The following FRAS1 variants were observed in gnomAD, a reference collection of about 807,000 sequenced individuals.
FRAS1 encodes extracellular matrix organizing protein FRAS1.
A neutral mutation model predicts 435.2 loss-of-function variants in FRAS1; 290 were observed. The observed-to-expected ratio is 0.67, with a 90% CI of 0.61 to 0.73. The LOEUF is 0.73. Among genes scored for constraint, FRAS1 ranks in the 30% least tolerant of loss-of-function variants. The probability of loss-of-function intolerance (pLI) is 0.00; values close to 1 mark genes in which losing one functional copy is unlikely to be tolerated. For synonymous variants in FRAS1, 1,800 were observed against 1,851.0 expected (o/e 0.97, Z 0.71); for missense variants, 4,860 against 5,001.5 (o/e 0.97, Z 0.85).
intron 2 of FRAS1, among the ~76,000 whole-genome samples, chr4:78,114,632 C>G (rs184447012): frequency 1.0e-3 from 144 of 137,788 alleles, no homozygotes; most frequent in African/African-American, 3.6e-3. Flanking sequence ...CTCTGTTTGT[C>G]TGTTATTGGT....
At chr4:78,148,815 A>G (rs1390753404) in intron 2 of FRAS1, among the ~76,000 whole-genome samples, 2 of 152,200 alleles carry the variant, frequency 1.3e-5, no homozygotes, top group Non-Finnish European at 1.5e-5. Flanking sequence ...ATTGTGAATT[A>G]TAGTGACTGT....
intron 2 of FRAS1, among the ~76,000 whole-genome samples, chr4:78,226,175 C>T (rs1394470468): frequency 6.6e-6 from 1 of 152,150 alleles, no homozygotes; most frequent in African/African-American, 2.4e-5. Flanking sequence ...CATCTCCTAT[C>T]TTGCATGTTT....
In FRAS1 at chr4:78,464,589, A is replaced by G; in HGVS notation, c.7029+6A>G. On this transcript the variant is annotated splice_donor_region_variant and intron_variant, in intron 49 of 73. Transcript: ENST00000512123. ...CGGTGGATGCTGACACAGAGGTAAG[A>G]GCACTTCTTCCCATGGGTTCTCTGG... is the stretch of plus-strand genomic sequence containing the variant. 1 of 1,613,432 alleles carries G rather than the reference A, an allele frequency of 6.2e-7. No homozygotes were observed. Among genetic ancestry groups the G allele is most frequent in the Non-Finnish European group, 8.5e-7 (1 of 1,179,734 alleles).
intron 2 of FRAS1, among the ~76,000 whole-genome samples, chr4:78,122,917 T>G (rs1719112137): frequency 6.6e-6 from 1 of 152,202 alleles, no homozygotes; most frequent in South Asian, 2.1e-4. Context: ...TTTCTTCCAT[T>G]CTGTAGGTTG....
intron 30 of FRAS1, among the ~76,000 whole-genome samples, chr4:78,402,779 C>T (rs1732942687): frequency 6.6e-6 from 1 of 152,198 alleles, no homozygotes; most frequent in African/African-American, 2.4e-5. Flanking sequence ...TTGGTTTCCT[C>T]CAATCTGCGA....
intron 1 of FRAS1, among the ~76,000 whole-genome samples, chr4:78,062,701 A>T (rs563443024): frequency 1.1e-4 from 16 of 152,206 alleles, no homozygotes; most frequent in South Asian, 2.1e-4. Context: ...GGGATTAAAA[A>T]CAGACATTTA....
intron 2 of FRAS1, among the ~76,000 whole-genome samples, chr4:78,128,117 G>A (rs551346660): frequency 2.8e-4 from 42 of 152,212 alleles, no homozygotes; most frequent in African/African-American, 1.0e-3. Flanking sequence ...ATTCCGTGGT[G>A]TATATGTGCC....
intron 2 of FRAS1, among the ~76,000 whole-genome samples, chr4:78,205,147 G>C (rs997067903): frequency 1.3e-5 from 2 of 152,008 alleles, no homozygotes; most frequent in African/African-American, 4.8e-5. Context: ...CAGTTAAAAG[G>C]GTGGTTATCC....
intron 49 of FRAS1, among the ~76,000 whole-genome samples, chr4:78,465,912 T>C (rs12640892): frequency 6.6e-6 from 1 of 152,072 alleles, no homozygotes; most frequent in Admixed American, 6.5e-5. Flanking sequence ...TTTAAAAAGG[T>C]CTATTTTCTT....
chr4:78,305,944 T>A (rs1351076485), intron 14 of FRAS1, among the ~76,000 whole-genome samples: 2 of 152,128 alleles, frequency 1.3e-5, no homozygotes, highest in East Asian at 3.9e-4. Context: ...GTTGATGCAG[T>A]TTCCTCTTAG....
chr4:78,166,704 G>C (rs1478990702), intron 2 of FRAS1, among the ~76,000 whole-genome samples: 1 of 152,098 alleles, frequency 6.6e-6, no homozygotes, highest in East Asian at 1.9e-4. Flanking sequence ...TAAAGTGCTG[G>C]TGGTTCACCA....
chr4:78,171,679 C>T lies in FRAS1; in HGVS notation c.109-65831C>T, dbSNP rs987314045. Among the ~76,000 whole-genome samples, 26 of 152,234 alleles carry T rather than the reference C, an allele frequency of 1.7e-4. 1 individual carries two copies. In the East Asian group the frequency reaches 4.1e-3, roughly 24 times the overall value. On this transcript the variant is annotated intron_variant, in intron 2 of 73. Transcript: ENST00000512123. ...GGTTCTTTGCCTAGCCTGTGAGTGT[C>T]GCCTCCTGGCTGGAAAAAATAAAAT...
chr4:78,432,944 C>T (rs1208526659), intron 38 of FRAS1, among the ~76,000 whole-genome samples: 2 of 152,172 alleles, frequency 1.3e-5, no homozygotes, highest in Non-Finnish European at 2.9e-5. Flanking sequence ...AGGAAAAAAA[C>T]ATTTTAGAGC....
intron 28 of FRAS1, among the ~76,000 whole-genome samples, chr4:78,386,978 A>G (rs1732240155): frequency 6.6e-6 from 1 of 152,198 alleles, no homozygotes; most frequent in South Asian, 2.1e-4. Context: ...TAGCTTCCTC[A>G]GAGTCAGTAT....
At chr4:78,134,525 A>G (rs192184196) in intron 2 of FRAS1, among the ~76,000 whole-genome samples, 1 of 152,256 alleles carries the variant, frequency 6.6e-6, no homozygotes, top group Admixed American at 6.5e-5. Context: ...GAAAAGTGGA[A>G]AGCCTGAGAA....
At chr4:78,214,051 G>C (rs1342843806) in intron 2 of FRAS1, among the ~76,000 whole-genome samples, 1 of 152,242 alleles carries the variant, frequency 6.6e-6, no homozygotes, top group Admixed American at 6.5e-5. Flanking sequence ...AAAGTAGTTG[G>C]TTCTGGGGAA....
At chr4:78,188,015 C>A (rs921324093) in intron 2 of FRAS1, among the ~76,000 whole-genome samples, 12 of 152,160 alleles carry the variant, frequency 7.9e-5, no homozygotes, top group African/African-American at 2.9e-4. Context: ...CCTTAAGAAT[C>A]TGGTACTAAA....
At chr4:78,381,508 T>C (rs56123635) in intron 27 of FRAS1, among the ~76,000 whole-genome samples, 2,042 of 152,290 alleles carry the variant, frequency 0.013, 38 homozygotes, top group South Asian at 0.046. Flanking sequence ...CAGGCTGGTC[T>C]CGAACTCCTG....
At position 78,466,335 on chromosome 4, in the gene FRAS1, G is replaced by A; in HGVS notation, c.7157G>A (p.Ser2386Asn). Residue 2386 changes from serine to asparagine, a missense_variant, in exon 50 of 74, where the codon AGC (serine) becomes AAC (asparagine). Coordinates refer to ENST00000512123, the MANE Select transcript of FRAS1 (RefSeq NM_025074.7). ...AAAGATATCTACCAGAACCGGGTCA[G>A]CTACAGCCATGACGGCAGTAACTCC... ...TMKDIYQNRV[S>N]YSHDGSNSLK... The A allele has an allele frequency of 5.0e-6, 8 of 1,613,872 alleles. No homozygotes were observed. The highest frequency in any genetic ancestry group is 6.8e-6 in the Non-Finnish European group (8 of 1,179,806).
Sources: gnomAD v4.1 joint callset for allele counts (sites outside exome capture counted in the v4.1 genomes callset) on GRCh38, gnomAD v4.1.1 for gene constraint, MANE v1.5 for transcripts, NCBI Gene and HGNC (gene_info 2026-07-23, HGNC 2026-07-21) for gene names.